Variants in GRAMD2A observed in about 807,000 individuals in gnomAD.
GRAMD2A encodes GRAM domain-containing protein 2A.
In GRAMD2A, 37 loss-of-function variants were observed where a neutral mutation model predicts 51.1. The ratio of observed to expected loss-of-function variants is 0.72; its 90% CI spans 0.56 to 0.95. The LOEUF is 0.95. Ranked by LOEUF, GRAMD2A falls within the 40% of genes least tolerant of loss-of-function variation. GRAMD2A has a pLI of 0.00. For missense variants in GRAMD2A, 414 were observed against 426.9 expected (o/e 0.97, Z 0.27); for synonymous variants, 136 against 157.1 (o/e 0.87, Z 1.01).
chr15:72,192,022 T>G (rs569869114), intron 1 of GRAMD2A, among the ~76,000 whole-genome samples: 3 of 152,220 alleles, frequency 2.0e-5, no homozygotes, highest in Non-Finnish European at 2.9e-5. Flanking sequence ...TTACTGCCAT[T>G]TTTTAGATGT....
At position 72,165,739 on chromosome 15, in the gene GRAMD2A, G is replaced by A. The variant is rs115272078; in HGVS notation, c.544-329C>T. On this transcript the variant is annotated intron_variant, in intron 7 of 11. Transcript: ENST00000309731. ...CAAGTGAGGGCCTGGACATAGAGAC[G>A]GTCCCTGACCTACGATGGTTCCACT... Among the ~76,000 whole-genome samples the A allele has an allele frequency of 6.0e-3, 907 of 152,216 alleles. 8 individuals carry two copies. Among genetic ancestry groups the A allele is most frequent in the African/African-American group, 0.02 (842 of 41,526 alleles).
chr15:72,168,461 C>A (rs1567083480), intron 4 of GRAMD2A, 30 bp downstream of exon 4: 2 of 1,573,740 alleles, frequency 1.3e-6, no homozygotes, highest in South Asian at 2.2e-5. Context: ...ACTCTGGGTG[C>A]CTAACCAGCT....
In GRAMD2A at chr15:72,161,610, C is replaced by CGT; in HGVS notation, c.*398_*399insAC. The CGT allele has an allele frequency of 3.8e-6, 1 of 263,360 alleles. No individual in the cohort carries two copies. The highest frequency in any genetic ancestry group is 7.4e-6 in the Non-Finnish European group (1 of 134,514). The allele number at this position is 263,360 out of a possible 1,614,324, so 16.3% of individuals were successfully genotyped here. Reference sequence around the variant, plus strand: ...ATAGGAGTGAGCTGTGTGGCAGAGCCACATTCCAAATGCGAAAGCATGGCC... The same window carrying CGT: ...ATAGGAGTGAGCTGTGTGGCAGAGCCGTACATTCCAAATGCGAAAGCATGGCC... On this transcript the variant is annotated 3_prime_UTR_variant, in exon 12 of 12. Coordinates refer to ENST00000309731, the MANE Select transcript of GRAMD2A (RefSeq NM_001012642.3).
intron 1 of GRAMD2A, among the ~76,000 whole-genome samples, chr15:72,197,359 A>C (rs2081815541): frequency 6.6e-6 from 1 of 152,208 alleles, no homozygotes; most frequent in Non-Finnish European, 1.5e-5. Context: ...ACCGCGGGCA[A>C]CGAATGATGA....
rs2081597636 is a variant in GRAMD2A at position 72,170,320 on chromosome 15, CAA to C, written c.42-383_42-382del. ...CCCTGAGACTCGCTTATGCCGAGAACAAAAGTGTCCAAAGTACCCGCGCAGCA... is the reference window on the plus strand; with the variant it reads ...CCCTGAGACTCGCTTATGCCGAGAACAAGTGTCCAAAGTACCCGCGCAGCA... On this transcript the variant is annotated intron_variant, in intron 1 of 11. Coordinates refer to ENST00000309731, the MANE Select transcript of GRAMD2A (RefSeq NM_001012642.3). The surrounding 1 kb of genome is among the most constrained non-coding windows in gnomAD (Gnocchi z 4.5). 1 of 467,782 alleles carries C rather than the reference CAA, an allele frequency of 2.1e-6. No individual in the cohort carries two copies. Among genetic ancestry groups the C allele is most frequent in the Non-Finnish European group, 4.3e-6 (1 of 234,904 alleles). 29.0% of individuals were successfully genotyped at this position (467,782 alleles called of 1,614,324 possible). A position where few individuals can be genotyped will look rare whatever the true frequency, so the allele number is the denominator to read the frequency against.
chr15:72,162,390 G>A lies in GRAMD2A; in HGVS notation c.957-13C>T. On this transcript the variant is annotated splice_polypyrimidine_tract_variant and intron_variant, in intron 10 of 11. Coordinates refer to ENST00000309731, the MANE Select transcript of GRAMD2A (RefSeq NM_001012642.3). Reference sequence around the variant, plus strand: ...CAGGAAGCAGATCCTGAAGAAAGCGGCAATACGGAGTTAAATATTTCTTCC... The same window carrying A: ...CAGGAAGCAGATCCTGAAGAAAGCGACAATACGGAGTTAAATATTTCTTCC... 1 of 1,553,428 alleles carries A rather than the reference G, an allele frequency of 6.4e-7. No individual in the cohort carries two copies. Among genetic ancestry groups the A allele is most frequent in the Non-Finnish European group, 8.9e-7 (1 of 1,126,754 alleles).
At position 72,168,947 on chromosome 15, in the gene GRAMD2A, G is replaced by C. The variant is rs201683821; in HGVS notation, c.184C>G (p.Arg62Gly). The change falls in exon 3 of 12, where the codon CGA becomes GGA. Residue 62 changes from arginine to glycine, a missense_variant. Transcript: ENST00000309731. ...TCAGCCTCCAGACTTACCCCTTCTCGGCCACACTTCTTTATCTCTTCACCC... is the reference window on the plus strand; with the variant it reads ...TCAGCCTCCAGACTTACCCCTTCTCCGCCACACTTCTTTATCTCTTCACCC... Reference protein sequence around the residue: ...LKGEEIKKCGREGITLNKYNQ... With the variant: ...LKGEEIKKCGGEGITLNKYNQ... The C allele has an allele frequency of 6.2e-7, 1 of 1,613,988 alleles. No individual in the cohort carries two copies. The highest frequency in any genetic ancestry group is 8.5e-7 in the Non-Finnish European group (1 of 1,179,840).
At chr15:72,197,333 A>G (rs908079273) in intron 1 of GRAMD2A, among the ~76,000 whole-genome samples, 1 of 152,216 alleles carries the variant, frequency 6.6e-6, no homozygotes, top group Non-Finnish European at 1.5e-5. Flanking sequence ...GGGGGCAATT[A>G]GGACTGGGAG....
In GRAMD2A at chr15:72,160,532, G is replaced by A. The variant is rs1397120695; in HGVS notation, c.*1477C>T. The stretch of plus-strand genomic sequence containing the variant: ...TTTGTCATAAACAGGACAGACAGTC[G>A]TCTGCTTCACAATAAATAATTTCCA... On this transcript the variant is annotated 3_prime_UTR_variant, in exon 12 of 12. Coordinates refer to ENST00000309731, the MANE Select transcript of GRAMD2A (RefSeq NM_001012642.3). 6.6e-6 allele frequency: 1 copy of A among 152,118 alleles called. No individual in the cohort carries two copies. The highest frequency in any genetic ancestry group is 1.5e-5 in the Non-Finnish European group (1 of 68,030). The allele number at this position is 152,118 out of a possible 1,614,324, so 9.4% of individuals were successfully genotyped here. A position where few individuals can be genotyped will look rare whatever the true frequency, so the allele number is the denominator to read the frequency against.
At chr15:72,195,985 C>A (rs1271727737) in intron 1 of GRAMD2A, among the ~76,000 whole-genome samples, 1 of 152,102 alleles carries the variant, frequency 6.6e-6, no homozygotes, top group Non-Finnish European at 1.5e-5. Context: ...CTTGAGCTAC[C>A]CTCTTCAGGC....
At chr15:72,192,670 T>C (rs902894275) in intron 1 of GRAMD2A, among the ~76,000 whole-genome samples, 1 of 152,192 alleles carries the variant, frequency 6.6e-6, no homozygotes, top group Admixed American at 6.5e-5. Flanking sequence ...CATGTACAGA[T>C]GTTAGGAGGA....
intron 1 of GRAMD2A, among the ~76,000 whole-genome samples, chr15:72,177,013 A>T (rs1347679512): frequency 6.6e-6 from 1 of 151,824 alleles, no homozygotes; most frequent in African/African-American, 2.4e-5. Context: ...CTACAGGTGT[A>T]TGCCACCATG....
chr15:72,168,866 CAA>C (rs1176069390), intron 3 of GRAMD2A, 71 bp downstream of exon 3: 4 of 1,435,506 alleles, frequency 2.8e-6, no homozygotes, highest in Non-Finnish European at 2.9e-6. Flanking sequence ...GCCAAGGAGC[CAA>C]AAGTCACTGA....
chr15:72,190,336 A>G (rs534390076), intron 1 of GRAMD2A, among the ~76,000 whole-genome samples: 8 of 152,176 alleles, frequency 5.3e-5, no homozygotes, highest in Non-Finnish European at 7.4e-5. Context: ...CCGAGATTGC[A>G]CCACTGCACT....
intron 1 of GRAMD2A, among the ~76,000 whole-genome samples, chr15:72,177,850 C>T (rs970220506): frequency 6.6e-6 from 1 of 152,198 alleles, no homozygotes; most frequent in African/African-American, 2.4e-5. Context: ...GTATCAGCCC[C>T]CTGAGTAGCT....
chr15:72,193,623 C>T (rs1453274237), intron 1 of GRAMD2A, among the ~76,000 whole-genome samples: 2 of 151,924 alleles, frequency 1.3e-5, no homozygotes, highest in Non-Finnish European at 2.9e-5. Flanking sequence ...CCCAGGTTCA[C>T]GCCAGTCTCC....
rs201683821 is a variant in GRAMD2A, at chr15:72,168,947, G to A, written c.184C>T (p.Arg62Ter). The stretch of plus-strand genomic sequence containing the variant: ...TCAGCCTCCAGACTTACCCCTTCTC[G>A]GCCACACTTCTTTATCTCTTCACCC... ...LKGEEIKKCG[R>*]EGITLNKYNQ... The change falls in exon 3 of 12, where the codon CGA (arginine) becomes TGA (stop). Residue 62 changes from arginine (R) to a stop codon, truncating the protein, a stop_gained. Coordinates refer to ENST00000309731, the MANE Select transcript of GRAMD2A (RefSeq NM_001012642.3). LOFTEE classifies it high-confidence loss of function. 64 of 1,613,870 alleles carry A rather than the reference G, an allele frequency of 4.0e-5. No homozygotes were observed. The highest frequency in any genetic ancestry group is 3.8e-4 in the South Asian group (35 of 91,092).
At chr15:72,172,540 C>T (rs1304187892) in intron 1 of GRAMD2A, among the ~76,000 whole-genome samples, 1 of 151,868 alleles carries the variant, frequency 6.6e-6, no homozygotes, top group African/African-American at 2.4e-5. Flanking sequence ...CCTCAGCCTC[C>T]CGAGTAGCTG....
In GRAMD2A at chr15:72,163,494, A is replaced by G. The variant is rs1255661032; in HGVS notation, c.746-18T>C. 10 of 1,605,158 alleles carry G rather than the reference A, an allele frequency of 6.2e-6. No individual in the cohort carries two copies. The highest frequency in any genetic ancestry group is 3.3e-4 in the Middle Eastern group (2 of 6,036). On this transcript the variant is annotated intron_variant, in intron 9 of 11. Coordinates refer to ENST00000309731, the MANE Select transcript of GRAMD2A (RefSeq NM_001012642.3). ...TGACTTTTCTTTATGGATTGGGAGA[A>G]AAAAAAAATCAGCTCTCAGAAGCCC...
Sources: allele counts gnomAD v4.1 joint callset (sites outside exome capture counted in the v4.1 genomes callset), GRCh38; gene constraint gnomAD v4.1.1; non-coding constraint Gnocchi (gnomAD v3.1); transcripts MANE v1.5; gene names NCBI Gene and HGNC (gene_info 2026-07-23, HGNC 2026-07-21).